COX10: variants seen among roughly 807,000 people sequenced by gnomAD.
COX10 encodes the protein protoheme IX farnesyltransferase, mitochondrial.
Under a neutral mutation model 37.3 loss-of-function variants are expected in COX10, and 27 were observed. That is an observed-to-expected ratio of 0.72 (90% CI 0.53 to 1.00). The LOEUF is 1.00. COX10 is among the 50% of genes least tolerant of loss of function. The pLI, the probability that COX10 is intolerant of heterozygous loss-of-function variation, is 0.00. For synonymous variants in COX10, 222 were observed against 229.1 expected (o/e 0.97, Z 0.28); for missense variants, 475 against 563.2 (o/e 0.84, Z 1.59).
At chr17:14,201,128 AG>A (rs1455126391) in intron 6 of COX10, among the ~76,000 whole-genome samples, 1 of 152,220 alleles carries the variant, frequency 6.6e-6, no homozygotes, top group Non-Finnish European at 1.5e-5. Flanking sequence ...CTTGAGGCAG[AG>A]GAGATGAGTA....
intron 4 of COX10, among the ~76,000 whole-genome samples, chr17:14,112,853 G>A (rs1381235062): frequency 6.6e-6 from 1 of 152,164 alleles, no homozygotes; most frequent in African/African-American, 2.4e-5. Flanking sequence ...TGTAGCAGAA[G>A]CACAAGTTTG....
chr17:14,168,560 A>T (rs1905358595), intron 5 of COX10, among the ~76,000 whole-genome samples: 1 of 152,214 alleles, frequency 6.6e-6, no homozygotes, highest in African/African-American at 2.4e-5. Flanking sequence ...ACATCCAGGC[A>T]TTTCCATACT....
chr17:14,121,690 T>C (rs1916233333), intron 4 of COX10, among the ~76,000 whole-genome samples: 1 of 152,160 alleles, frequency 6.6e-6, no homozygotes, highest in Non-Finnish European at 1.5e-5. Context: ...GTGGGAAATA[T>C]AAGATATATA....
intron 3 of COX10, among the ~76,000 whole-genome samples, chr17:14,093,953 A>G (rs1455694018): frequency 6.6e-6 from 1 of 152,212 alleles, no homozygotes; most frequent in African/African-American, 2.4e-5. Context: ...TTTGGGAAGC[A>G]GAGTCAGAGG....
intron 5 of COX10, among the ~76,000 whole-genome samples, chr17:14,174,622 A>T (rs556196461): frequency 4.6e-5 from 7 of 152,328 alleles, no homozygotes; most frequent in African/African-American, 1.4e-4. Flanking sequence ...CATAACTAAC[A>T]TTTATTAAAA....
intron 4 of COX10, among the ~76,000 whole-genome samples, 156 bp from the exon 5 acceptor site, chr17:14,159,720 GT>G (rs1567604458): frequency 1.3e-5 from 2 of 151,940 alleles, no homozygotes; most frequent in Admixed American, 6.6e-5. Flanking sequence ...TTGTTTGTTT[GT>G]TTTTTTGGAA....
At chr17:14,170,212 T>A (rs191812102) in intron 5 of COX10, among the ~76,000 whole-genome samples, 1 of 152,270 alleles carries the variant, frequency 6.6e-6, no homozygotes, top group Non-Finnish European at 1.5e-5. Context: ...GACTAATATA[T>A]TGAGTAAACC....
chr17:14,181,007 TC>T (rs1905841527), intron 5 of COX10, among the ~76,000 whole-genome samples: 1 of 151,964 alleles, frequency 6.6e-6, no homozygotes, highest in Non-Finnish European at 1.5e-5. Flanking sequence ...TGGCAGCAGC[TC>T]ATGTTAGCAT....
At chr17:14,186,133 TAAAC>T (rs1567610322) in intron 5 of COX10, among the ~76,000 whole-genome samples, 1 of 152,256 alleles carries the variant, frequency 6.6e-6, no homozygotes, top group Non-Finnish European at 1.5e-5. Flanking sequence ...TGAGGTGAAT[TAAAC>T]AAATGCTTGT....
chr17:14,085,493 A>G (rs1915389536), intron 3 of COX10, among the ~76,000 whole-genome samples: 1 of 152,140 alleles, frequency 6.6e-6, no homozygotes, highest in Non-Finnish European at 1.5e-5. Context: ...ACTTCTTGCT[A>G]TTAAAAATAA....
rs58001250 is a variant in COX10, at chr17:14,159,650, G to T, written c.625-227G>T. ...TGTTTAACAGGTGATTTTCAAAGTG[G>T]ATAAAAGTAGATATTCCTGACACCT... is the stretch of plus-strand genomic sequence containing the variant. On this transcript the variant is annotated intron_variant, in intron 4 of 6. Transcript: ENST00000261643. Among the ~76,000 whole-genome samples, 20,606 of 151,780 alleles carry T rather than the reference G, an allele frequency of 0.14. 1,980 individuals are homozygous for T. Among genetic ancestry groups the T allele is most frequent in the East Asian group, 0.4 (2,047 of 5,136 alleles).
chr17:14,113,372 T>G (rs2142207666), intron 4 of COX10, among the ~76,000 whole-genome samples: 1 of 152,234 alleles, frequency 6.6e-6, no homozygotes. Flanking sequence ...GGGTTGAACT[T>G]GTCTTGACTC....
intron 4 of COX10, among the ~76,000 whole-genome samples, chr17:14,116,628 A>T (rs1356992958): frequency 4.7e-5 from 7 of 148,286 alleles, no homozygotes; most frequent in Non-Finnish European, 6.0e-5. Flanking sequence ...GCCATCAGGA[A>T]ATTATGCTGA....
At chr17:14,084,155 A>T (rs1378406214) in intron 3 of COX10, among the ~76,000 whole-genome samples, 1 of 152,178 alleles carries the variant, frequency 6.6e-6, no homozygotes. Flanking sequence ...AACTTACTGT[A>T]ATCTTCAGTT....
At chr17:14,086,979 T>C (rs562239241) in intron 3 of COX10, among the ~76,000 whole-genome samples, 27 of 152,360 alleles carry the variant, frequency 1.8e-4, no homozygotes, top group African/African-American at 6.3e-4. Context: ...CTCATGACTT[T>C]TAACATTCTG....
intron 3 of COX10, among the ~76,000 whole-genome samples, chr17:14,083,629 A>G (rs922576002): frequency 6.6e-6 from 1 of 152,256 alleles, no homozygotes; most frequent in Admixed American, 6.5e-5. Flanking sequence ...ATGCCTTGGC[A>G]TTTAGGCCAG....
chr17:14,122,850 C>T (rs1167494918), intron 4 of COX10, among the ~76,000 whole-genome samples: 11 of 152,202 alleles, frequency 7.2e-5, no homozygotes, highest in Admixed American at 5.9e-4. Flanking sequence ...TAAATCCTAC[C>T]TGTACCCAAA....
At chr17:14,195,882 C>G (rs1597547124) in intron 6 of COX10, among the ~76,000 whole-genome samples, 1 of 152,238 alleles carries the variant, frequency 6.6e-6, no homozygotes, top group South Asian at 2.1e-4. Flanking sequence ...AGACAGAGCT[C>G]TAGCCATTAG....
At chr17:14,093,429 T>A (rs1427109715) in intron 3 of COX10, among the ~76,000 whole-genome samples, 1 of 152,120 alleles carries the variant, frequency 6.6e-6, no homozygotes, top group African/African-American at 2.4e-5. Context: ...CCCAAAGTAG[T>A]GGGACTTAAA....
Sources: gnomAD v4.1 joint callset for allele counts (sites outside exome capture counted in the v4.1 genomes callset) on GRCh38, gnomAD v4.1.1 for gene constraint, MANE v1.5 for transcripts, NCBI Gene and HGNC (gene_info 2026-07-23, HGNC 2026-07-21) for gene names.